Variants in MPP7 observed in about 807,000 individuals in gnomAD.
The protein encoded by MPP7 is MAGUK p55 subfamily member 7.
A neutral mutation model predicts 76.5 loss-of-function variants in MPP7; 60 were observed. The observed-to-expected ratio is 0.78, with a 90% CI of 0.64 to 0.97. The LOEUF (loss-of-function observed/expected upper bound fraction) is 0.97, where lower values mean the gene tolerates loss of function less well. MPP7 is among the 50% of genes least tolerant of loss of function. MPP7 has a pLI of 0.00. For missense variants in MPP7, 641 were observed against 694.0 expected (o/e 0.92, Z 0.86); for synonymous variants, 237 against 244.5 (o/e 0.97, Z 0.29).
chr10:28,124,938 T>C (rs920129067), intron 7 of MPP7, 72 bp downstream of exon 7: 10 of 1,233,436 alleles, frequency 8.1e-6, no homozygotes, highest in African/African-American at 3.0e-5. Context: ...GTTATCCTCT[T>C]AGTTATCTAC....
chr10:28,302,178 A>G (rs1442874051), intron 1 of MPP7, among the ~76,000 whole-genome samples: 1 of 152,116 alleles, frequency 6.6e-6, no homozygotes, highest in Non-Finnish European at 1.5e-5. Flanking sequence ...TCAAACCTGC[A>G]CAGGCATTCC....
At chr10:28,283,917 T>TTA (rs1840738274) in intron 1 of MPP7, among the ~76,000 whole-genome samples, 2 of 152,182 alleles carry the variant, frequency 1.3e-5, no homozygotes, top group Non-Finnish European at 2.9e-5. Flanking sequence ...AAGGATACTT[T>TTA]TAGCTCCATA....
In MPP7 at chr10:28,052,391, T is replaced by C. The variant is rs888914288; in HGVS notation, c.*1674A>G. On this transcript the variant is annotated 3_prime_UTR_variant, in exon 17 of 17. Coordinates refer to ENST00000683449, the MANE Select transcript of MPP7 (RefSeq NM_001318170.2). ...CTTAGAACTCACTGTCTGGATCACGTTGTTATATAATACTTAGTCTGATTA... is the reference window on the plus strand; with the variant it reads ...CTTAGAACTCACTGTCTGGATCACGCTGTTATATAATACTTAGTCTGATTA... 1 of 152,194 alleles carries C rather than the reference T, an allele frequency of 6.6e-6. No homozygotes were observed. Among genetic ancestry groups the C allele is most frequent in the East Asian group, 1.9e-4 (1 of 5,206 alleles). The allele number at this position is 152,194 out of a possible 1,614,324, so 9.4% of individuals were successfully genotyped here. A position where few individuals can be genotyped will look rare whatever the true frequency, so the allele number is the denominator to read the frequency against.
intron 1 of MPP7, among the ~76,000 whole-genome samples, chr10:28,245,034 A>G (rs962545189): frequency 3.3e-5 from 5 of 152,138 alleles, no homozygotes; most frequent in African/African-American, 1.2e-4. Flanking sequence ...CCTCTGGGGT[A>G]CTTCTCTGAT....
intron 2 of MPP7, among the ~76,000 whole-genome samples, chr10:28,234,864 G>A (rs771260982): frequency 6.6e-6 from 1 of 152,174 alleles, no homozygotes; most frequent in South Asian, 2.1e-4. Context: ...AGGCTGAAGT[G>A]CAGTGGTGTG....
chr10:28,068,226 T>A (rs1852071504), intron 13 of MPP7, among the ~76,000 whole-genome samples: 1 of 152,104 alleles, frequency 6.6e-6, no homozygotes, highest in African/African-American at 2.4e-5. Context: ...TAGTTCCACA[T>A]TTTCATTAAC....
At chr10:28,150,169 A>G (rs1050734612) in intron 3 of MPP7, 110 bp from the exon 4 acceptor site, 7 of 752,080 alleles carry the variant, frequency 9.3e-6, no homozygotes, top group African/African-American at 1.7e-5. Context: ...TCCTAAAGTT[A>G]TATGTTTATG....
At chr10:28,097,203 C>T (rs935251613) in intron 11 of MPP7, among the ~76,000 whole-genome samples, 1 of 152,142 alleles carries the variant, frequency 6.6e-6, no homozygotes, top group Non-Finnish European at 1.5e-5. Flanking sequence ...CCAGGTTGCA[C>T]AGGCTAACCT....
intron 1 of MPP7, among the ~76,000 whole-genome samples, chr10:28,281,063 T>C (rs1450664544): frequency 2.0e-5 from 3 of 150,194 alleles, no homozygotes; most frequent in Non-Finnish European, 4.5e-5. Flanking sequence ...AAAGAATAAA[T>C]GGTCATTTCT....
intron 3 of MPP7, among the ~76,000 whole-genome samples, chr10:28,176,129 C>G (rs751793987): frequency 7.2e-5 from 11 of 151,996 alleles, no homozygotes; most frequent in Non-Finnish European, 1.6e-4. Context: ...CTGTTAGGAA[C>G]CAATACAGTA....
At chr10:28,227,778 C>T (rs1246463098) in intron 2 of MPP7, among the ~76,000 whole-genome samples, 1 of 152,134 alleles carries the variant, frequency 6.6e-6, no homozygotes, top group East Asian at 1.9e-4. Flanking sequence ...CTGTAATAAA[C>T]ACATGCATGC....
intron 3 of MPP7, among the ~76,000 whole-genome samples, chr10:28,193,192 T>G (rs1837465783): frequency 1.3e-5 from 2 of 150,754 alleles, no homozygotes; most frequent in South Asian, 2.1e-4. Context: ...TTTTTTTGGG[T>G]TTTTTTGTTT....
chr10:28,182,915 T>A (rs1837105448), intron 3 of MPP7, among the ~76,000 whole-genome samples: 1 of 152,090 alleles, frequency 6.6e-6, no homozygotes, highest in Admixed American at 6.5e-5. Flanking sequence ...CCATCTCTAC[T>A]AAAAATACAA....
rs1841201964 is a variant in MPP7 at position 28,302,989 on chromosome 10, C to A, written c.-260G>T. On this transcript the variant is annotated 5_prime_UTR_variant, in exon 1 of 17. Coordinates refer to ENST00000683449, the MANE Select transcript of MPP7 (RefSeq NM_001318170.2). Reference sequence around the variant, plus strand: ...GACAATCGGGAGCCAGCGGGCTCGGCACCGCCGCGGCGGGCGCAGAACGCA... The same window carrying A: ...GACAATCGGGAGCCAGCGGGCTCGGAACCGCCGCGGCGGGCGCAGAACGCA... Among the ~76,000 whole-genome samples, 1 of 152,082 alleles carries A rather than the reference C, an allele frequency of 6.6e-6. No individual in the cohort carries two copies. Among genetic ancestry groups the A allele is most frequent in the Non-Finnish European group, 1.5e-5 (1 of 67,988 alleles).
At chr10:28,328,244 C>T (rs1834436856) in intron 2 of MPP7, among the ~76,000 whole-genome samples, 1 of 152,090 alleles carries the variant, frequency 6.6e-6, no homozygotes, top group South Asian at 2.1e-4. Flanking sequence ...AAATTCACAC[C>T]TTAAAAAGTA....
At chr10:28,186,842 C>G (rs994589289) in intron 3 of MPP7, among the ~76,000 whole-genome samples, 4 of 152,084 alleles carry the variant, frequency 2.6e-5, no homozygotes, top group African/African-American at 9.7e-5. Context: ...TCTCTGTAGC[C>G]CAGAGACTCC....
chr10:28,057,974 T>C (rs1277339120), intron 15 of MPP7: 17 of 813,214 alleles, frequency 2.1e-5, no homozygotes, highest in Non-Finnish European at 2.7e-5. Flanking sequence ...GTTTCCAGGA[T>C]GACAGGTGCA....
intron 2 of MPP7, among the ~76,000 whole-genome samples, chr10:28,212,104 C>T (rs912870223): frequency 6.6e-6 from 1 of 151,672 alleles, no homozygotes; most frequent in African/African-American, 2.4e-5. Context: ...CAGAATGAGA[C>T]CCTGTCTCGT....
At chr10:28,150,192 C>T in intron 3 of MPP7, 133 bp from the exon 4 acceptor site, 1 of 638,490 alleles carries the variant, frequency 1.6e-6, no homozygotes, top group Non-Finnish European at 2.7e-6. Context: ...ATATTACACA[C>T]ATGTAATATG....
Sources: allele counts gnomAD v4.1 joint callset (sites outside exome capture counted in the v4.1 genomes callset), GRCh38; gene constraint gnomAD v4.1.1; transcripts MANE v1.5; gene names NCBI Gene and HGNC (gene_info 2026-07-23, HGNC 2026-07-21).